RBFOX1: variants seen among roughly 807,000 people sequenced by gnomAD.
RBFOX1 encodes the protein RNA binding fox-1 homolog 1.
A neutral mutation model predicts 57.7 loss-of-function variants in RBFOX1; 8 were observed. The observed-to-expected ratio is 0.14, with a 90% confidence interval of 0.08 to 0.25. The LOEUF (loss-of-function observed/expected upper bound fraction) is 0.25, where lower values mean the gene tolerates loss of function less well. Among genes scored for constraint, RBFOX1 ranks in the 10% least tolerant of loss-of-function variants. The probability of loss-of-function intolerance (pLI) is 1.00; values close to 1 mark genes in which losing one functional copy is unlikely to be tolerated. For synonymous variants in RBFOX1, 326 were observed against 222.4 expected, an observed-to-expected ratio of 1.47 and a Z score of -4.15; for missense variants, 611 against 548.5, an observed-to-expected ratio of 1.11 and a Z score of -1.14.
chr16:5,361,339 A>C (rs9302802), intron 1 of RBFOX1, among the ~76,000 whole-genome samples: 1 of 152,096 alleles, frequency 6.6e-6, no homozygotes, highest in African/African-American at 2.4e-5. Flanking sequence ...AAGTGGGCCA[A>C]CTAGGTAGTT....
intron 4 of RBFOX1, among the ~76,000 whole-genome samples, chr16:7,105,380 T>G (rs947785309): frequency 6.6e-6 from 1 of 151,812 alleles, no homozygotes; most frequent in Non-Finnish European, 1.5e-5. Context: ...TTTGGTTACA[T>G]GAATAAGTTC....
Position 5,544,951 on chromosome 16 carries a change from C to CTTTTTTTTTTTTT in RBFOX1, c.259-53920_259-53908dup, listed in dbSNP as rs59873374. Among the ~76,000 whole-genome samples, 94 of 124,370 alleles carry CTTTTTTTTTTTTT rather than the reference C, an allele frequency of 7.6e-4. 10 individuals are homozygous for CTTTTTTTTTTTTT. The highest frequency in any genetic ancestry group is 1.2e-3 in the African/African-American group (36 of 29,026). The allele number at this position is 124,370 out of a possible 152,430, so 81.6% of individuals were successfully genotyped here. A position where few individuals can be genotyped will look rare whatever the true frequency, so the allele number is the denominator to read the frequency against. On this transcript the variant is annotated intron_variant, in intron 2 of 2. Transcript: ENST00000585867. ...GTATAGATGGCCTTACTATTACATT[C>CTTTTTTTTTTTTT]TTTTTTTTTTTTTTTTTTTTTTTTT...
intron 1 of RBFOX1, among the ~76,000 whole-genome samples, chr16:6,237,773 TAAATG>T (rs1048668835): frequency 1.3e-5 from 2 of 151,574 alleles, no homozygotes; most frequent in Non-Finnish European, 2.9e-5. Context: ...AAAATTAAAT[TAAATG>T]AAATTAAATT....
intron 2 of RBFOX1, among the ~76,000 whole-genome samples, chr16:6,594,966 T>C (rs2097762526): frequency 6.6e-6 from 1 of 152,100 alleles, no homozygotes; most frequent in Non-Finnish European, 1.5e-5. Context: ...TTTTTGTGTT[T>C]ATAGCAGAGA....
intron 4 of RBFOX1, among the ~76,000 whole-genome samples, chr16:7,076,769 AAACTTCC>A (rs1220321524): frequency 1.3e-5 from 2 of 152,194 alleles, no homozygotes; most frequent in African/African-American, 4.8e-5. Flanking sequence ...TGACCAGTTT[AAACTTCC>A]ATTCCAATGT....
intron 2 of RBFOX1, among the ~76,000 whole-genome samples, chr16:6,565,919 CTTTGTT>C (rs920191152): frequency 6.6e-6 from 1 of 152,156 alleles, no homozygotes; most frequent in African/African-American, 2.4e-5. Context: ...AACCAATGTG[CTTTGTT>C]TTTGTTTTTG....
intron 4 of RBFOX1, among the ~76,000 whole-genome samples, chr16:7,202,179 C>T (rs997984963): frequency 1.3e-5 from 2 of 150,750 alleles, no homozygotes; most frequent in African/African-American, 4.9e-5. Flanking sequence ...CTTCAAAGAA[C>T]ATAAACAAAT....
At chr16:7,119,716 C>A (rs906816732) in intron 4 of RBFOX1, among the ~76,000 whole-genome samples, 6 of 151,758 alleles carry the variant, frequency 4.0e-5, no homozygotes, top group Non-Finnish European at 8.8e-5. Flanking sequence ...TAAAATAAAG[C>A]CAAAACTGAT....
chr16:6,637,326 T>TTA (rs2098449908), intron 2 of RBFOX1, among the ~76,000 whole-genome samples: 2 of 23,160 alleles, frequency 8.6e-5, no homozygotes, highest in African/African-American at 1.8e-4. Flanking sequence ...ATTATATATA[T>TTA]TATATAATAT....
At chr16:7,141,048 C>A (rs1021867775) in intron 4 of RBFOX1, among the ~76,000 whole-genome samples, 1 of 152,058 alleles carries the variant, frequency 6.6e-6, no homozygotes, top group African/African-American at 2.4e-5. Flanking sequence ...AGGAAGCCAC[C>A]CTCAGCAAAC....
At chr16:7,606,457 G>A (rs775561425) in intron 9 of RBFOX1, among the ~76,000 whole-genome samples, 9 of 152,262 alleles carry the variant, frequency 5.9e-5, no homozygotes, top group Admixed American at 1.3e-4. Flanking sequence ...GCCAGCAGGA[G>A]CAGGAAACAA....
intron 3 of RBFOX1, among the ~76,000 whole-genome samples, chr16:6,719,989 G>T (rs909865467): frequency 3.9e-5 from 6 of 151,958 alleles, no homozygotes; most frequent in Admixed American, 6.6e-5. Context: ...AGCTACCTGG[G>T]AGGCTGAGGC....
At chr16:7,329,417 G>C (rs991531857) in intron 4 of RBFOX1, among the ~76,000 whole-genome samples, 1 of 152,192 alleles carries the variant, frequency 6.6e-6, no homozygotes, top group African/African-American at 2.4e-5. Context: ...ACTGCCACTG[G>C]GGAATGGAAA....
intron 3 of RBFOX1, among the ~76,000 whole-genome samples, chr16:7,001,273 G>A (rs748541519): frequency 3.9e-5 from 6 of 152,094 alleles, no homozygotes; most frequent in East Asian, 1.9e-4. Context: ...GATGGATGGA[G>A]AGATTCCTTG....
rs1567134343 is a variant in RBFOX1, at chr16:5,908,352, GTCTGTGTGTGT to G, written c.351+41019_351+41029del. 5.4e-4 allele frequency among the ~76,000 whole-genome samples: 44 copies of G among 80,962 alleles called. No individual in the cohort carries two copies. The South Asian group carries it at 9.1e-3, about 17-fold the overall frequency. The allele number at this position is 80,962 out of a possible 152,430, so 53.1% of individuals were successfully genotyped here. A position where few individuals can be genotyped will look rare whatever the true frequency, so the allele number is the denominator to read the frequency against. ...TATATATGTGTGTGTGTGTGTGTGT[GTCTGTGTGTGT>G]TTTTTGTAAGACAGAGTCTGACTCT... On this transcript the variant is annotated intron_variant, in intron 4 of 19. Transcript: ENST00000641259.
chr16:5,578,296 A>C (rs1263193091), intron 2 of RBFOX1, among the ~76,000 whole-genome samples: 1 of 152,066 alleles, frequency 6.6e-6, no homozygotes, highest in Non-Finnish European at 1.5e-5. Flanking sequence ...AGCCTCATTC[A>C]TCAGGAGGCA....
intron 4 of RBFOX1, among the ~76,000 whole-genome samples, chr16:7,274,323 T>C (rs1282148852): frequency 2.0e-5 from 3 of 152,236 alleles, no homozygotes; most frequent in Non-Finnish European, 4.4e-5. Context: ...ATCCCCATTT[T>C]ATTCTTGAGA....
intron 3 of RBFOX1, among the ~76,000 whole-genome samples, chr16:5,651,028 C>T (rs1025416672): frequency 7.5e-6 from 1 of 132,858 alleles, no homozygotes; most frequent in Admixed American, 8.7e-5. Context: ...TCTGGGAGAA[C>T]ACTACCTCCT....
intron 1 of RBFOX1, among the ~76,000 whole-genome samples, chr16:6,235,596 A>G (rs2097500051): frequency 2.2e-5 from 3 of 139,248 alleles, no homozygotes; most frequent in South Asian, 2.2e-4. Context: ...GTGTGTGTGT[A>G]TACATGATGG....
Sources: gnomAD v4.1 joint callset for allele counts (sites outside exome capture counted in the v4.1 genomes callset) on GRCh38, gnomAD v4.1.1 for gene constraint, MANE v1.5 for transcripts, NCBI Gene and HGNC (gene_info 2026-07-23, HGNC 2026-07-21) for gene names.